The following MSR1 variants were observed in gnomAD, a reference collection of about 807,000 sequenced individuals.
The protein encoded by MSR1 is macrophage scavenger receptor 1, also known as macrophage scavenger receptor types I and II.
In MSR1, 53 loss-of-function variants were observed where a neutral mutation model predicts 47.2. The observed-to-expected ratio is 1.12, with a 90% CI of 0.90 to 1.41. The LOEUF (loss-of-function observed/expected upper bound fraction) is 1.41, where lower values mean the gene tolerates loss of function less well. MSR1 is among the 40% of genes most tolerant of loss of function. MSR1 has a pLI of 0.00. For synonymous variants in MSR1, 239 were observed against 185.6 expected (o/e 1.29, Z -2.34); for missense variants, 786 against 546.9 (o/e 1.44, Z -4.36).
chr8:16,172,291 A>T, intron 3 of MSR1, among the ~76,000 whole-genome samples: 1 of 152,268 alleles, frequency 6.6e-6, no homozygotes, highest in Non-Finnish European at 1.5e-5. Context: ...ACTATTTTTA[A>T]TTTGACAACA....
chr8:16,166,396 C>T (rs1164551110), intron 4 of MSR1, among the ~76,000 whole-genome samples: 4 of 151,462 alleles, frequency 2.6e-5, no homozygotes, highest in Admixed American at 6.6e-5. Context: ...CTCCTGACCT[C>T]GTGGTCCACC....
Position 16,109,202 on chromosome 8 carries a change from T to A in MSR1, c.*883A>T, listed in dbSNP as rs1271838333. The A allele has an allele frequency of 8.2e-6, 1 of 122,158 alleles. No individual in the cohort carries two copies. The highest frequency in any genetic ancestry group is 1.6e-5 in the Non-Finnish European group (1 of 61,858). 7.6% of individuals were successfully genotyped at this position (122,158 alleles called of 1,614,324 possible). A position where few individuals can be genotyped will look rare whatever the true frequency, so the allele number is the denominator to read the frequency against. ...CCCCCCCCCGCCCTTTGGTTGTAAATGTTGACTGACTTCATAAAAGACTCC... is the reference window on the plus strand; with the variant it reads ...CCCCCCCCCGCCCTTTGGTTGTAAAAGTTGACTGACTTCATAAAAGACTCC... On this transcript the variant is annotated 3_prime_UTR_variant, in exon 10 of 10. Transcript: ENST00000262101.
In MSR1 at chr8:16,130,685, C is replaced by T. The variant is rs192211645; in HGVS notation, c.1034-10079G>A. ...TGTCTGTTGTTCCCTTCTTTGTGTCCGTATCTACTCAAAGTTCAGTCCCCA... is the reference window on the plus strand; with the variant it reads ...TGTCTGTTGTTCCCTTCTTTGTGTCTGTATCTACTCAAAGTTCAGTCCCCA... On this transcript the variant is annotated intron_variant, in intron 8 of 9. Coordinates refer to ENST00000262101, the MANE Select transcript of MSR1 (RefSeq NM_138715.3). 1.3e-4 allele frequency among the ~76,000 whole-genome samples: 20 copies of T among 151,972 alleles called. No individual in the cohort carries two copies. In the East Asian group the frequency reaches 1.6e-3, roughly 12 times the overall value.
chr8:16,168,550 A>G lies in MSR1; in HGVS notation c.538T>C (p.Leu180=). 1 of 1,614,158 alleles carries G rather than the reference A, an allele frequency of 6.2e-7. No individual in the cohort carries two copies. Among genetic ancestry groups the G allele is most frequent in the Non-Finnish European group, 8.5e-7 (1 of 1,180,006 alleles). ...GNAIDEISKS[L]ISLNTTLLDL... ...AGCAATGTGGTATTCAAACTTATTA[A>G]GGACTTGGAGATTTCATCTATTGCA... The change falls in exon 4 of 10, where the codon TTA becomes CTA. Residue 180 remains leucine (L), a synonymous_variant. Coordinates refer to ENST00000262101, the MANE Select transcript of MSR1 (RefSeq NM_138715.3).
intron 6 of MSR1, among the ~76,000 whole-genome samples, chr8:16,153,687 C>G (rs1352575489): frequency 6.6e-6 from 1 of 151,844 alleles, no homozygotes; most frequent in Non-Finnish European, 1.5e-5. Context: ...GAAGATTCTC[C>G]CAAGATGAAG....
chr8:16,117,989 C>G (rs1218733972), intron 9 of MSR1, among the ~76,000 whole-genome samples: 1 of 152,174 alleles, frequency 6.6e-6, no homozygotes, highest in Middle Eastern at 3.2e-3. Flanking sequence ...TTCCACAAAA[C>G]TGGTCCCTGG....
chr8:16,187,404 AG>A (rs1802035668), intron 1 of MSR1, among the ~76,000 whole-genome samples: 1 of 60,484 alleles, frequency 1.7e-5, no homozygotes, highest in Non-Finnish European at 4.6e-5. Context: ...AGAAAGAAAA[AG>A]CAAGCAAGCA....
chr8:16,133,746 C>T (rs967566146), intron 8 of MSR1, among the ~76,000 whole-genome samples: 1 of 152,142 alleles, frequency 6.6e-6, no homozygotes, highest in East Asian at 1.9e-4. Context: ...GTTTTATCTT[C>T]TCCTATAATT....
At chr8:16,186,309 A>G (rs1350344240) in intron 1 of MSR1, 30 of 955,236 alleles carry the variant, frequency 3.1e-5, no homozygotes, top group Non-Finnish European at 7.9e-6. Flanking sequence ...TTTCTCTCCT[A>G]TTTTCACTCC....
chr8:16,122,551 C>G (rs1419004019), intron 8 of MSR1, among the ~76,000 whole-genome samples: 2 of 152,112 alleles, frequency 1.3e-5, no homozygotes, highest in Non-Finnish European at 2.9e-5. Flanking sequence ...TCCAAAATGT[C>G]ATAAATGAGC....
rs1489203769 is a variant in MSR1 at position 16,108,078 on chromosome 8, C to A, written c.*2007G>T. 1.3e-5 allele frequency: 2 copies of A among 151,210 alleles called. No homozygotes were observed. Among genetic ancestry groups the A allele is most frequent in the Non-Finnish European group, 3.0e-5 (2 of 67,766 alleles). 9.4% of individuals were successfully genotyped at this position (151,210 alleles called of 1,614,324 possible). ...AAGTGGTAAATCAGCATGCATATACCATACAGCAATATAGTATTAACAACC... is the reference window on the plus strand; with the variant it reads ...AAGTGGTAAATCAGCATGCATATACAATACAGCAATATAGTATTAACAACC... On this transcript the variant is annotated 3_prime_UTR_variant, in exon 10 of 10. Transcript: ENST00000262101.
intron 5 of MSR1, among the ~76,000 whole-genome samples, chr8:16,161,907 G>A (rs1017771767): frequency 5.9e-5 from 9 of 151,848 alleles, no homozygotes; most frequent in African/African-American, 2.2e-4. Flanking sequence ...GATATAAAAT[G>A]AGACAAAATA....
intron 7 of MSR1, among the ~76,000 whole-genome samples, chr8:16,149,482 C>T (rs773015582): frequency 2.0e-5 from 3 of 151,982 alleles, no homozygotes; most frequent in African/African-American, 4.8e-5. Context: ...CCCACCTCAG[C>T]GTCTCAAATA....
At chr8:16,124,054 C>G (rs940050518) in intron 8 of MSR1, among the ~76,000 whole-genome samples, 11 of 152,150 alleles carry the variant, frequency 7.2e-5, no homozygotes, top group Non-Finnish European at 4.4e-5. Flanking sequence ...GACAGACTGA[C>G]AGTTCTGACA....
intron 8 of MSR1, chr8:16,140,601 C>G: frequency 3.7e-6 from 4 of 1,084,178 alleles, no homozygotes; most frequent in Non-Finnish European, 4.5e-6. Context: ...ACTGAAACAT[C>G]ACTCTTCCAA....
intron 8 of MSR1, among the ~76,000 whole-genome samples, chr8:16,123,919 C>G (rs550489122): frequency 6.6e-6 from 1 of 152,146 alleles, no homozygotes; most frequent in Admixed American, 6.5e-5. Flanking sequence ...CTTTATTATT[C>G]TTTTTTTGTT....
In MSR1 at chr8:16,150,328, GA is replaced by G. The variant is rs764869408; in HGVS notation, c.899-18del. Reference sequence around the variant, plus strand: ...CCGGAGGACCTACATTATTAACGAAGAAAAAAAGAAGGTAATAATTCATTTT... The same window carrying G: ...CCGGAGGACCTACATTATTAACGAAGAAAAAAGAAGGTAATAATTCATTTT... On this transcript the variant is annotated intron_variant, in intron 6 of 9. Coordinates refer to ENST00000262101, the MANE Select transcript of MSR1 (RefSeq NM_138715.3). 3 of 1,480,416 alleles carry G rather than the reference GA, an allele frequency of 2.0e-6. No homozygotes were observed. Among genetic ancestry groups the G allele is most frequent in the African/African-American group, 1.4e-5 (1 of 70,904 alleles). 91.7% of individuals were successfully genotyped at this position (1,480,416 alleles called of 1,614,324 possible).
At chr8:16,178,968 C>A (rs1391279400) in intron 1 of MSR1, among the ~76,000 whole-genome samples, 2 of 152,118 alleles carry the variant, frequency 1.3e-5, no homozygotes, top group South Asian at 2.1e-4. Flanking sequence ...ATTTGTATAT[C>A]TCTCATATAC....
chr8:16,147,385 G>A (rs1393679748), intron 7 of MSR1, among the ~76,000 whole-genome samples: 2 of 152,106 alleles, frequency 1.3e-5, no homozygotes, highest in Non-Finnish European at 2.9e-5. Context: ...GGCAAGGTGA[G>A]AAGAAAAGGA....
Sources: gnomAD v4.1 joint callset for allele counts (sites outside exome capture counted in the v4.1 genomes callset) on GRCh38, gnomAD v4.1.1 for gene constraint, MANE v1.5 for transcripts, NCBI Gene and HGNC (gene_info 2026-07-23, HGNC 2026-07-21) for gene names.